The following SASS6 variants were observed in gnomAD, a reference collection of about 807,000 sequenced individuals.
SASS6 encodes the protein spindle assembly abnormal protein 6 homolog.
In SASS6, 59 loss-of-function variants were observed where a neutral mutation model predicts 94.9. The observed-to-expected ratio is 0.62, with a 90% CI of 0.50 to 0.77. The LOEUF is 0.77. SASS6 is among the 30% of genes least tolerant of loss of function. The probability of loss-of-function intolerance (pLI) is 0.00; values close to 1 mark genes in which losing one functional copy is unlikely to be tolerated. For synonymous variants in SASS6, 264 were observed against 270.0 expected (o/e 0.98, Z 0.22); for missense variants, 698 against 734.1 (o/e 0.95, Z 0.57).
chr1:100,102,474 C>T (rs1253779214), intron 14 of SASS6, among the ~76,000 whole-genome samples: 5 of 151,990 alleles, frequency 3.3e-5, no homozygotes, highest in East Asian at 1.9e-4. Flanking sequence ...GCCAGGAGTT[C>T]GAGACCAGCC....
rs530509747 is a variant in SASS6, at chr1:100,089,799, A to C, written c.1675-1563T>G. Among the ~76,000 whole-genome samples, 3 of 152,186 alleles carry C rather than the reference A, an allele frequency of 2.0e-5. No individual in the cohort carries two copies. The South Asian group carries it at 6.2e-4, about 32-fold the overall frequency. On this transcript the variant is annotated intron_variant, in intron 14 of 16. Transcript: ENST00000287482. ...AAAATAATACCAGATGAAAATTTAG[A>C]TCTACATAAAGGAAAAAAGTGTGTA... is the stretch of plus-strand genomic sequence containing the variant.
intron 15 of SASS6, 26 bp downstream of exon 15, chr1:100,088,113 T>C: frequency 7.6e-7 from 1 of 1,313,964 alleles, no homozygotes; most frequent in Non-Finnish European, 1.1e-6. Context: ...TTGCAAACAT[T>C]AAATTTTATG....
chr1:100,106,574 G>A (rs1288475204), intron 12 of SASS6, among the ~76,000 whole-genome samples: 2 of 152,098 alleles, frequency 1.3e-5, no homozygotes, highest in East Asian at 1.9e-4. Context: ...AGCCGAGCAC[G>A]ATGGCTAACA....
chr1:100,087,838 G>C (rs1651418447), intron 15 of SASS6, among the ~76,000 whole-genome samples: 2 of 152,114 alleles, frequency 1.3e-5, no homozygotes. Flanking sequence ...ATATGTCTGA[G>C]AATATTTGAA....
chr1:100,087,580 C>A (rs898468379), intron 15 of SASS6, among the ~76,000 whole-genome samples: 7 of 151,934 alleles, frequency 4.6e-5, no homozygotes, highest in African/African-American at 1.7e-4. Context: ...CTATGTAAAC[C>A]CTGTTTAAAA....
chr1:100,105,849 T>C lies in SASS6; in HGVS notation c.1463A>G (p.Asp488Gly). The change falls in exon 13 of 17, where the codon GAT (aspartate) becomes GGT (glycine). Residue 488 changes from aspartate (D) to glycine (G), a missense_variant. By Grantham distance (94) the Asp-to-Gly change is moderately conservative (BLOSUM62 -1). Coordinates refer to ENST00000287482, the MANE Select transcript of SASS6 (RefSeq NM_194292.3). ...LNENQLVRKQ[D>G]VLGPSTTPPA... ...CGGAGTAGTAGAAGGTCCCAATACA[T>C]CTTGCTTTCTCACTAGCTGATTTTC... is the stretch of plus-strand genomic sequence containing the variant. The C allele has an allele frequency of 6.2e-7, 1 of 1,611,172 alleles. No homozygotes were observed. The highest frequency in any genetic ancestry group is 8.5e-7 in the Non-Finnish European group (1 of 1,178,144).
chr1:100,101,466 A>G (rs939443931), intron 14 of SASS6, among the ~76,000 whole-genome samples: 13 of 152,076 alleles, frequency 8.5e-5, no homozygotes, highest in African/African-American at 2.9e-4. Flanking sequence ...CACAAGACCT[A>G]TAAGAATGAT....
At chr1:100,132,637 G>C in intron 1 of SASS6, 113 bp downstream of exon 1, 1 of 891,384 alleles carries the variant, frequency 1.1e-6, no homozygotes, top group Non-Finnish European at 1.9e-6. Context: ...CTTCCTAGGG[G>C]GGCCGACTCG....
At chr1:100,108,325 G>A (rs189481597) in intron 8 of SASS6, among the ~76,000 whole-genome samples, 5 of 151,930 alleles carry the variant, frequency 3.3e-5, no homozygotes, top group African/African-American at 4.8e-5. Context: ...GGGTAACCAC[G>A]GGTGAGAGCC....
At chr1:100,102,415 G>A (rs1023413476) in intron 14 of SASS6, among the ~76,000 whole-genome samples, 2 of 152,112 alleles carry the variant, frequency 1.3e-5, no homozygotes, top group African/African-American at 4.8e-5. Flanking sequence ...GGTGGCTCAG[G>A]CCTGCAATCC....
chr1:100,127,979 T>C (rs1654746709), intron 1 of SASS6, among the ~76,000 whole-genome samples: 1 of 152,226 alleles, frequency 6.6e-6, no homozygotes, highest in Non-Finnish European at 1.5e-5. Flanking sequence ...GGTATGATAC[T>C]GCAGTTGGTA....
chr1:100,086,210 TAAG>T (rs1032838682), intron 15 of SASS6, among the ~76,000 whole-genome samples: 15 of 152,294 alleles, frequency 9.8e-5, no homozygotes, highest in African/African-American at 3.1e-4. Flanking sequence ...TTACTTGTAA[TAAG>T]AAGTTAAAGG....
chr1:100,118,904 T>G (rs972790781), intron 7 of SASS6, 114 bp downstream of exon 7: 9 of 558,314 alleles, frequency 1.6e-5, no homozygotes, highest in African/African-American at 1.2e-4. Context: ...ATTTTTATTT[T>G]ATATACTTCT....
chr1:100,128,654 T>C (rs966160471), intron 1 of SASS6, among the ~76,000 whole-genome samples: 8 of 152,198 alleles, frequency 5.3e-5, no homozygotes, highest in Non-Finnish European at 1.0e-4. Context: ...TTTTTTCCCT[T>C]ATAATGGTTA....
intron 7 of SASS6, among the ~76,000 whole-genome samples, chr1:100,114,560 T>C (rs1557890281): frequency 6.7e-6 from 1 of 149,188 alleles, no homozygotes; most frequent in Non-Finnish European, 1.5e-5. Context: ...AAAATAAAAA[T>C]AAAAAAAATT....
At chr1:100,106,776 C>T in intron 12 of SASS6, 136 bp downstream of exon 12, 1 of 551,442 alleles carries the variant, frequency 1.8e-6, no homozygotes, top group Non-Finnish European at 3.3e-6. Flanking sequence ...ATAACTTGAA[C>T]CAAAGTGGTG....
rs564761412 is a variant in SASS6, at chr1:100,083,724, C to T, written c.*1604G>A. On this transcript the variant is annotated 3_prime_UTR_variant, in exon 17 of 17. Transcript: ENST00000287482. ...GTAAAGAATTAGCACACTTGGAAGT[C>T]TGTATACATTTAATACAAATTTGCA... 1 of 152,108 alleles carries T rather than the reference C, an allele frequency of 6.6e-6. No homozygotes were observed. Among genetic ancestry groups the T allele is most frequent in the East Asian group, 1.9e-4 (1 of 5,184 alleles). The allele number at this position is 152,108 out of a possible 1,614,324, so 9.4% of individuals were successfully genotyped here.
intron 14 of SASS6, among the ~76,000 whole-genome samples, chr1:100,098,119 A>C (rs1225063078): frequency 1.3e-5 from 2 of 152,242 alleles, no homozygotes; most frequent in African/African-American, 4.8e-5. Flanking sequence ...ATAACCTTTA[A>C]ATTTTTAAAA....
chr1:100,122,772 C>T (rs1654299387), intron 3 of SASS6, among the ~76,000 whole-genome samples: 2 of 151,906 alleles, frequency 1.3e-5, no homozygotes. Flanking sequence ...AGACTAGTCT[C>T]GAACTTCTGA....
Sources: gnomAD v4.1 joint callset for allele counts (sites outside exome capture counted in the v4.1 genomes callset) on GRCh38, gnomAD v4.1.1 for gene constraint, MANE v1.5 for transcripts, NCBI Gene and HGNC (gene_info 2026-07-23, HGNC 2026-07-21) for gene names.